The following FAM171A1 variants were observed in gnomAD, a reference collection of about 807,000 sequenced individuals.
FAM171A1 encodes protein FAM171A1.
Under a neutral mutation model 74.9 loss-of-function variants are expected in FAM171A1, and 23 were observed. That is an observed-to-expected ratio of 0.31 (90% CI 0.22 to 0.44). FAM171A1 has a LOEUF of 0.44. Among genes scored for constraint, FAM171A1 ranks in the 20% least tolerant of loss-of-function variants. The pLI is 1.00. For missense variants in FAM171A1, 1,162 were observed against 1,159.2 expected, an observed-to-expected ratio of 1.00 and a Z score of -0.03; for synonymous variants, 527 against 505.7, an observed-to-expected ratio of 1.04 and a Z score of -0.57.
rs536793181 is a variant in FAM171A1, at chr10:15,219,750, T to A, written c.871+1194A>T. ...GCGTGTGCCACCACGCCCAGCTAAT[T>A]TTTGTATTTTGAGTAGAGACGGGGT... On this transcript the variant is annotated intron_variant, in intron 6 of 7. Transcript: ENST00000378116. 1.6e-4 allele frequency among the ~76,000 whole-genome samples: 25 copies of A among 152,152 alleles called. No individual in the cohort carries two copies. The East Asian group carries it at 4.7e-3, about 28-fold the overall frequency.
At chr10:15,286,500 T>C (rs1328579927) in intron 1 of FAM171A1, among the ~76,000 whole-genome samples, 1 of 152,172 alleles carries the variant, frequency 6.6e-6, no homozygotes, top group Non-Finnish European at 1.5e-5. Context: ...CAGGTTGCTC[T>C]TGAACTCCTG....
chr10:15,260,118 C>T (rs889854476), intron 3 of FAM171A1, among the ~76,000 whole-genome samples: 7 of 152,146 alleles, frequency 4.6e-5, no homozygotes, highest in South Asian at 2.1e-4. Context: ...TGAACCACCA[C>T]GCCTGGCCTC....
intron 5 of FAM171A1, among the ~76,000 whole-genome samples, chr10:15,240,259 G>A (rs1177640168): frequency 6.6e-6 from 1 of 152,118 alleles, no homozygotes; most frequent in Non-Finnish European, 1.5e-5. Context: ...TAGCTGGGAG[G>A]CTGAGGCCAG....
chr10:15,274,767 C>G (rs1026701500), intron 3 of FAM171A1, among the ~76,000 whole-genome samples: 2 of 152,050 alleles, frequency 1.3e-5, no homozygotes, highest in Non-Finnish European at 2.9e-5. Context: ...ACAAACTTGA[C>G]AAAAACAAGA....
chr10:15,256,233 G>C (rs778380664), intron 3 of FAM171A1, among the ~76,000 whole-genome samples: 27 of 152,130 alleles, frequency 1.8e-4, no homozygotes, highest in Non-Finnish European at 1.9e-4. Context: ...CAAAGAACTT[G>C]TAAGGAGTGA....
At chr10:15,218,182 TA>T (rs1307040496) in intron 6 of FAM171A1, among the ~76,000 whole-genome samples, 1 of 152,028 alleles carries the variant, frequency 6.6e-6, no homozygotes, top group Non-Finnish European at 1.5e-5. Flanking sequence ...CAGGTTCGGA[TA>T]ATTCTCCTGC....
intron 6 of FAM171A1, 76 bp from the exon 7 acceptor site, chr10:15,216,186 G>T: frequency 1.1e-6 from 1 of 944,972 alleles, no homozygotes; most frequent in Non-Finnish European, 1.6e-6. Context: ...TGAGAACGCA[G>T]TGTCTTGTGC....
chr10:15,310,881 C>T (rs183591310), intron 1 of FAM171A1, among the ~76,000 whole-genome samples: 1 of 152,196 alleles, frequency 6.6e-6, no homozygotes, highest in Admixed American at 6.5e-5. Context: ...AGAGGGTCTC[C>T]TTCCCTTTCC....
intron 1 of FAM171A1, among the ~76,000 whole-genome samples, chr10:15,319,337 C>T (rs1835459522): frequency 6.6e-6 from 1 of 152,072 alleles, no homozygotes; most frequent in Non-Finnish European, 1.5e-5. Flanking sequence ...TATGAGGACA[C>T]AAAGGCATAA....
At chr10:15,294,677 A>G (rs971228674) in intron 1 of FAM171A1, among the ~76,000 whole-genome samples, 1 of 152,310 alleles carries the variant, frequency 6.6e-6, no homozygotes, top group South Asian at 2.1e-4. Flanking sequence ...TCAGTCCAGC[A>G]TTATCTTTTA....
intron 1 of FAM171A1, among the ~76,000 whole-genome samples, chr10:15,337,967 A>C (rs565488723): frequency 6.6e-6 from 1 of 151,968 alleles, no homozygotes; most frequent in Non-Finnish European, 1.5e-5. Flanking sequence ...AACAAAAAAA[A>C]CCCTTTATCA....
At chr10:15,373,295 T>C (rs915807367), upstream of FAM171A1, among the ~76,000 whole-genome samples, 29 of 152,220 alleles carry the variant, frequency 1.9e-4, no homozygotes, top group African/African-American at 6.5e-4. Context: ...CTAAGCCTAA[T>C]ATATGGCATC....
chr10:15,344,927 A>C (rs1403220003), intron 1 of FAM171A1, among the ~76,000 whole-genome samples: 1 of 152,244 alleles, frequency 6.6e-6, no homozygotes, highest in Non-Finnish European at 1.5e-5. Context: ...TTCAGAGCGG[A>C]GTTCTTCAGC....
chr10:15,247,167 C>T (rs760228290), intron 5 of FAM171A1, among the ~76,000 whole-genome samples: 23 of 152,110 alleles, frequency 1.5e-4, no homozygotes, highest in Non-Finnish European at 2.8e-4. Context: ...TATGATATAT[C>T]CACAGGGTGG....
At chr10:15,352,157 T>G (rs939205082) in intron 1 of FAM171A1, among the ~76,000 whole-genome samples, 1 of 152,016 alleles carries the variant, frequency 6.6e-6, no homozygotes, top group East Asian at 1.9e-4. Context: ...GAGAATTGTT[T>G]GAACCTGGGA....
At chr10:15,239,015 A>C (rs1834330816) in intron 5 of FAM171A1, among the ~76,000 whole-genome samples, 1 of 152,116 alleles carries the variant, frequency 6.6e-6, no homozygotes, top group Non-Finnish European at 1.5e-5. Context: ...AATTCAAACC[A>C]CTGACCTGGT....
chr10:15,278,412 G>A (rs1834922275), intron 2 of FAM171A1, among the ~76,000 whole-genome samples: 1 of 152,152 alleles, frequency 6.6e-6, no homozygotes, highest in East Asian at 1.9e-4. Context: ...AAACCCAAGA[G>A]AACCGAAAAC....
chr10:15,292,150 C>T (rs1564634638), intron 1 of FAM171A1, among the ~76,000 whole-genome samples: 1 of 152,112 alleles, frequency 6.6e-6, no homozygotes, highest in Non-Finnish European at 1.5e-5. Flanking sequence ...TGGGGTCTCT[C>T]AAGCACACTA....
intron 1 of FAM171A1, among the ~76,000 whole-genome samples, chr10:15,308,376 C>A (rs1835321678): frequency 6.6e-6 from 1 of 152,286 alleles, no homozygotes; most frequent in East Asian, 1.9e-4. Flanking sequence ...TGTAAATAGA[C>A]AAACATCTGC....
Sources: gnomAD v4.1 joint callset for allele counts (sites outside exome capture counted in the v4.1 genomes callset) on GRCh38, gnomAD v4.1.1 for gene constraint, MANE v1.5 for transcripts, NCBI Gene and HGNC (gene_info 2026-07-23, HGNC 2026-07-21) for gene names.